The following THSD4 variants were observed in gnomAD, a reference collection of about 807,000 sequenced individuals.
THSD4 encodes thrombospondin type 1 domain containing 4, also known as thrombospondin type-1 domain-containing protein 4.
THSD4 carries 69 observed loss-of-function variants against 119.0 expected under a neutral mutation model. That is an observed-to-expected ratio of 0.58 (90% CI 0.48 to 0.71). The LOEUF (loss-of-function observed/expected upper bound fraction) is 0.71. Ranked by LOEUF, THSD4 falls within the 30% of genes least tolerant of loss-of-function variation. The pLI is 0.00. For synonymous variants in THSD4, 524 were observed against 540.4 expected (o/e 0.97, Z 0.42); for missense variants, 1,393 against 1,391.1 (o/e 1.00, Z -0.02).
chr15:71,296,255 C>T (rs984514523), intron 6 of THSD4, among the ~76,000 whole-genome samples: 1 of 152,186 alleles, frequency 6.6e-6, no homozygotes, highest in Non-Finnish European at 1.5e-5. Context: ...GTGTCTGTAC[C>T]ATTTTACATT....
intron 6 of THSD4, among the ~76,000 whole-genome samples, chr15:71,384,010 C>G (rs1317748917): frequency 7.3e-6 from 1 of 137,184 alleles, no homozygotes; most frequent in Non-Finnish European, 1.6e-5. Flanking sequence ...AATAGGTGGT[C>G]TCTTTGCAAC....
intron 7 of THSD4, among the ~76,000 whole-genome samples, chr15:71,493,608 A>G (rs567634766): frequency 6.6e-5 from 10 of 152,228 alleles, no homozygotes; most frequent in African/African-American, 2.4e-4. Context: ...TTACTCTGAG[A>G]CCTCCATAGA....
chr15:71,573,391 G>A (rs1467185087), intron 7 of THSD4, among the ~76,000 whole-genome samples: 1 of 152,212 alleles, frequency 6.6e-6, no homozygotes, highest in East Asian at 1.9e-4. Context: ...GAAATCCAAG[G>A]ACCGAAGAAA....
Position 71,426,922 on chromosome 15 carries a change from A to T in THSD4, c.1152+15099A>T, listed in dbSNP as rs536846585. Among the ~76,000 whole-genome samples the T allele has an allele frequency of 8.5e-5, 13 of 152,328 alleles. No individual in the cohort carries two copies. In the East Asian group the frequency reaches 2.5e-3, roughly 29 times the overall value. On this transcript the variant is annotated intron_variant, in intron 7 of 17. Transcript: ENST00000261862. ...TATACAAGAATGGAACAAAAGAACG[A>T]GGTAGAAATTGGTTATGAAACCTCC...
chr15:71,653,331 C>T (rs979643516), intron 7 of THSD4, among the ~76,000 whole-genome samples: 26 of 152,296 alleles, frequency 1.7e-4, no homozygotes, highest in African/African-American at 6.0e-4. Flanking sequence ...TGTGGAACTA[C>T]CATCATTTTA....
intron 6 of THSD4, among the ~76,000 whole-genome samples, chr15:71,260,292 T>A (rs1005691209): frequency 6.6e-6 from 1 of 152,194 alleles, no homozygotes; most frequent in African/African-American, 2.4e-5. Context: ...AACATTTGAT[T>A]TAACTGATTT....
At chr15:71,223,489 G>T (rs2043991461) in intron 4 of THSD4, among the ~76,000 whole-genome samples, 1 of 152,180 alleles carries the variant, frequency 6.6e-6, no homozygotes, top group Non-Finnish European at 1.5e-5. Context: ...TTAGAAGTTG[G>T]CCCTGCAAAG....
intron 7 of THSD4, among the ~76,000 whole-genome samples, chr15:71,504,485 G>C (rs2048160301): frequency 6.6e-6 from 1 of 152,182 alleles, no homozygotes; most frequent in Non-Finnish European, 1.5e-5. Flanking sequence ...ATTCATCTCA[G>C]AAACAAAGTA....
chr15:71,515,406 C>CT (rs1442073667), intron 7 of THSD4, among the ~76,000 whole-genome samples: 4 of 152,080 alleles, frequency 2.6e-5, no homozygotes, highest in African/African-American at 7.2e-5. Context: ...TTGGAGGAGC[C>CT]AGAAACAGAA....
intron 7 of THSD4, among the ~76,000 whole-genome samples, chr15:71,633,269 C>CTTTTTTTTTTTTTTTTTT (rs67682951): frequency 1.1e-4 from 7 of 63,160 alleles, no homozygotes; most frequent in African/African-American, 2.3e-4. Context: ...TTCTTTCTTT[C>CTTTTTTTTTTTTTTTTTT]TTTTTTTTTT....
chr15:71,243,552 C>T (rs1186068150), intron 5 of THSD4, among the ~76,000 whole-genome samples: 1 of 152,086 alleles, frequency 6.6e-6, no homozygotes, highest in South Asian at 2.1e-4. Flanking sequence ...AGAGCTGGGA[C>T]AGCTAAGGTG....
chr15:71,238,302 A>G (rs1197430722), intron 4 of THSD4, among the ~76,000 whole-genome samples: 2 of 152,240 alleles, frequency 1.3e-5, no homozygotes, highest in African/African-American at 4.8e-5. Flanking sequence ...TCTTAAAAAA[A>G]ACTTTATTGA....
intron 7 of THSD4, among the ~76,000 whole-genome samples, chr15:71,551,653 T>TC (rs1457050106): frequency 2.0e-5 from 3 of 152,132 alleles, no homozygotes; most frequent in African/African-American, 7.2e-5. Flanking sequence ...CCCGAGGTTT[T>TC]TTTTTCCCAG....
intron 2 of THSD4, among the ~76,000 whole-genome samples, chr15:71,147,393 A>G (rs2040673440): frequency 6.6e-6 from 1 of 152,110 alleles, no homozygotes; most frequent in Non-Finnish European, 1.5e-5. Context: ...ATTTTTTTGT[A>G]GAGATGTGAT....
At chr15:71,326,815 G>C (rs1428286864) in intron 6 of THSD4, among the ~76,000 whole-genome samples, 7 of 144,226 alleles carry the variant, frequency 4.9e-5, no homozygotes, top group Admixed American at 4.3e-4. Flanking sequence ...TGAGGCTGCA[G>C]TGAGATATGA....
At chr15:71,736,462 CCT>C (rs1263549881) in intron 10 of THSD4, among the ~76,000 whole-genome samples, 1 of 142,840 alleles carries the variant, frequency 7.0e-6, no homozygotes, top group Non-Finnish European at 1.5e-5. Flanking sequence ...TCTCTCTTGC[CCT>C]CTCTGTCTCT....
intron 8 of THSD4, among the ~76,000 whole-genome samples, chr15:71,727,996 G>A (rs960639741): frequency 3.3e-5 from 5 of 152,124 alleles, no homozygotes; most frequent in African/African-American, 9.7e-5. Context: ...GCCGATTGCT[G>A]CCATGAGGGA....
At chr15:71,623,926 GAAAA>G (rs11450708) in intron 7 of THSD4, among the ~76,000 whole-genome samples, 1 of 136,482 alleles carries the variant, frequency 7.3e-6, no homozygotes, top group African/African-American at 2.7e-5. Context: ...TCCCTCTCAA[GAAAA>G]AAAAAAAAAA....
intron 1 of THSD4, among the ~76,000 whole-genome samples, chr15:71,108,447 T>A (rs1416573002): frequency 6.6e-6 from 1 of 152,232 alleles, no homozygotes; most frequent in Non-Finnish European, 1.5e-5. Context: ...GCCGGGAAGA[T>A]CCTTAGCTTT....
Sources: allele counts gnomAD v4.1 joint callset (sites outside exome capture counted in the v4.1 genomes callset), GRCh38; gene constraint gnomAD v4.1.1; transcripts MANE v1.5; gene names NCBI Gene and HGNC (gene_info 2026-07-23, HGNC 2026-07-21).